TTC33: variants seen among roughly 807,000 people sequenced by gnomAD.
TTC33 encodes tetratricopeptide repeat domain 33, also known as tetratricopeptide repeat protein 33.
A neutral mutation model predicts 29.4 loss-of-function variants in TTC33; 24 were observed. The observed-to-expected ratio is 0.82, with a 90% CI of 0.59 to 1.15. The LOEUF (loss-of-function observed/expected upper bound fraction) is 1.15. Ranked by LOEUF, TTC33 falls within the 50% of genes most tolerant of loss-of-function variation. The pLI is 0.00. For synonymous variants in TTC33, 107 were observed against 100.3 expected, an observed-to-expected ratio of 1.07 and a Z score of -0.40; for missense variants, 286 against 310.4, an observed-to-expected ratio of 0.92 and a Z score of 0.59.
intron 2 of TTC33, among the ~76,000 whole-genome samples, chr5:40,745,641 G>A (rs570196918): frequency 7.9e-5 from 12 of 151,242 alleles, no homozygotes; most frequent in African/African-American, 2.7e-4. Context: ...TTCCTGCCTC[G>A]GCCTCTCAAA....
chr5:40,734,316 G>GAACAGACTAACAGACT (rs3840326), intron 2 of TTC33, among the ~76,000 whole-genome samples: 1 of 151,980 alleles, frequency 6.6e-6, no homozygotes. Context: ...ACTTCAGTTT[G>GAACAGACTAACAGACT]GAACAGACTG....
In TTC33 at chr5:40,751,000, GTT is replaced by G. The variant is rs1310708737; in HGVS notation, c.-1-3983_-1-3982del. Among the ~76,000 whole-genome samples, 7 of 152,250 alleles carry G rather than the reference GTT, an allele frequency of 4.6e-5. No homozygotes were observed. The East Asian group carries it at 1.3e-3, about 29-fold the overall frequency. On this transcript the variant is annotated intron_variant, in intron 1 of 4. Coordinates refer to ENST00000337702, the MANE Select transcript of TTC33 (RefSeq NM_012382.3). ...GAACCCCTCAAAGTTATCCATGAAG[GTT>G]GTAATCAACTTCTTCCAAATTCCTG...
At chr5:40,747,068 T>C (rs768129489) in intron 1 of TTC33, 49 bp from the exon 2 acceptor site, 1 of 1,547,774 alleles carries the variant, frequency 6.5e-7, no homozygotes, top group East Asian at 2.3e-5. Flanking sequence ...TGATCTTTTT[T>C]TTTTTTTGAG....
chr5:40,722,187 A>G (rs1005813889), intron 4 of TTC33, among the ~76,000 whole-genome samples: 11 of 150,902 alleles, frequency 7.3e-5, no homozygotes, highest in Admixed American at 5.3e-4. Flanking sequence ...CCTGGGTGAC[A>G]GAGGGAGACT....
At chr5:40,748,806 G>A (rs1373229164) in intron 1 of TTC33, among the ~76,000 whole-genome samples, 5 of 152,034 alleles carry the variant, frequency 3.3e-5, no homozygotes, top group Non-Finnish European at 1.5e-5. Context: ...CTTGGTAAAC[G>A]ACTTAACTCA....
At chr5:40,752,252 A>G (rs1217655647) in intron 1 of TTC33, among the ~76,000 whole-genome samples, 2 of 152,192 alleles carry the variant, frequency 1.3e-5, no homozygotes, top group South Asian at 2.1e-4. Flanking sequence ...AGACCATTCA[A>G]AGCTTCTCCA....
At chr5:40,729,430 T>C (rs898567291) in intron 3 of TTC33, among the ~76,000 whole-genome samples, 1 of 152,254 alleles carries the variant, frequency 6.6e-6, no homozygotes, top group African/African-American at 2.4e-5. Flanking sequence ...ATTCAAGTGC[T>C]CAAAGGTTTT....
chr5:40,735,504 G>A (rs1742529951), intron 2 of TTC33, among the ~76,000 whole-genome samples: 1 of 152,154 alleles, frequency 6.6e-6, no homozygotes, highest in Non-Finnish European at 1.5e-5. Context: ...AGAGCCTGAG[G>A]CCAAAGCTTA....
At chr5:40,731,644 G>A (rs888184843) in intron 2 of TTC33, among the ~76,000 whole-genome samples, 1 of 152,142 alleles carries the variant, frequency 6.6e-6, no homozygotes, top group Non-Finnish European at 1.5e-5. Context: ...GGCAGAAACT[G>A]CCGCCATAAT....
rs960739696 is a variant in TTC33 at position 40,713,154 on chromosome 5, T to C, written c.*2991A>G. 6.6e-6 allele frequency among the ~76,000 whole-genome samples: 1 copy of C among 152,152 alleles called. No homozygotes were observed. The highest frequency in any genetic ancestry group is 1.5e-5 in the Non-Finnish European group (1 of 68,018). Reference sequence around the variant, plus strand: ...GATTTGAAGATAATTATTATGGAACTATGGTTCTTATGTCAACTCACAACT... The same window carrying C: ...GATTTGAAGATAATTATTATGGAACCATGGTTCTTATGTCAACTCACAACT... On this transcript the variant is annotated 3_prime_UTR_variant, in exon 5 of 5. Transcript: ENST00000337702.
At chr5:40,749,293 A>C (rs920463749) in intron 1 of TTC33, among the ~76,000 whole-genome samples, 1 of 152,216 alleles carries the variant, frequency 6.6e-6, no homozygotes, top group African/African-American at 2.4e-5. Context: ...GGTCTTCAAG[A>C]TACTAAGAAA....
rs1741955581 is a variant in TTC33 at position 40,714,255 on chromosome 5, CT to C, written c.*1889del. 3.9e-5 allele frequency among the ~76,000 whole-genome samples: 6 copies of C among 152,116 alleles called. No homozygotes were observed. Among genetic ancestry groups the C allele is most frequent in the Admixed American group, 6.5e-5 (1 of 15,268 alleles). ...GGAAAGGATTACAAAAAAAGTTCTC[CT>C]TTTTTAAAATCAGAGGAAATTGAGG... On this transcript the variant is annotated 3_prime_UTR_variant, in exon 5 of 5. Coordinates refer to ENST00000337702, the MANE Select transcript of TTC33 (RefSeq NM_012382.3).
rs1741963184 is a variant in TTC33 at position 40,714,622 on chromosome 5, A to G, written c.*1523T>C. Reference sequence around the variant, plus strand: ...TATTAAACAAAATAAAATAATTAACATATTTTTTGGAGCACTCTGAAACTA... The same window carrying G: ...TATTAAACAAAATAAAATAATTAACGTATTTTTTGGAGCACTCTGAAACTA... On this transcript the variant is annotated 3_prime_UTR_variant, in exon 5 of 5. Transcript: ENST00000337702. 6.6e-6 allele frequency: 1 copy of G among 152,160 alleles called. No homozygotes were observed. Among genetic ancestry groups the G allele is most frequent in the South Asian group, 2.1e-4 (1 of 4,834 alleles). The allele number at this position is 152,160 out of a possible 1,614,324, so 9.4% of individuals were successfully genotyped here.
At chr5:40,732,947 C>T (rs1007716532) in intron 2 of TTC33, among the ~76,000 whole-genome samples, 5 of 151,994 alleles carry the variant, frequency 3.3e-5, no homozygotes, top group Non-Finnish European at 7.4e-5. Flanking sequence ...GTCCTACCTT[C>T]TCCAAGTCCT....
intron 1 of TTC33, among the ~76,000 whole-genome samples, chr5:40,749,409 A>C (rs908966294): frequency 3.3e-5 from 5 of 152,192 alleles, no homozygotes; most frequent in Non-Finnish European, 7.3e-5. Flanking sequence ...TATAACCACA[A>C]GGAGATTTTG....
At position 40,713,065 on chromosome 5, in the gene TTC33, T is replaced by A. The variant is rs966753267; in HGVS notation, c.*3080A>T. ...CTTTCTCAGTCCTAAAATTCTTTAT[T>A]ATCAAATACATCAGTTTAATAATAA... On this transcript the variant is annotated 3_prime_UTR_variant, in exon 5 of 5. Coordinates refer to ENST00000337702, the MANE Select transcript of TTC33 (RefSeq NM_012382.3). 6.6e-6 allele frequency among the ~76,000 whole-genome samples: 1 copy of A among 152,138 alleles called. No individual in the cohort carries two copies. The highest frequency in any genetic ancestry group is 1.5e-5 in the Non-Finnish European group (1 of 68,020).
intron 4 of TTC33, among the ~76,000 whole-genome samples, chr5:40,719,240 C>G (rs2111866754): frequency 6.6e-6 from 1 of 152,340 alleles, no homozygotes; most frequent in Middle Eastern, 3.4e-3. Context: ...AACCCCAGCT[C>G]TAGGCAAGCA....
At chr5:40,739,125 C>T (rs995412031) in intron 2 of TTC33, among the ~76,000 whole-genome samples, 2 of 152,162 alleles carry the variant, frequency 1.3e-5, no homozygotes, top group Non-Finnish European at 2.9e-5. Context: ...TCTATCTTTA[C>T]ACTAGTACTA....
chr5:40,728,003 T>C (rs1042385376), intron 4 of TTC33, among the ~76,000 whole-genome samples: 4 of 152,068 alleles, frequency 2.6e-5, no homozygotes, highest in Non-Finnish European at 5.9e-5. Flanking sequence ...CAAAATAGAC[T>C]GGGCATGTTG....
Sources: gnomAD v4.1 joint callset for allele counts (sites outside exome capture counted in the v4.1 genomes callset) on GRCh38, gnomAD v4.1.1 for gene constraint, MANE v1.5 for transcripts, NCBI Gene and HGNC (gene_info 2026-07-23, HGNC 2026-07-21) for gene names.